Variants in PPARGC1A observed in about 807,000 individuals in gnomAD.
PPARGC1A encodes PPARG coactivator 1 alpha, also known as peroxisome proliferator-activated receptor gamma coactivator 1-alpha.
In PPARGC1A, 25 loss-of-function variants were observed where a neutral mutation model predicts 88.7. The observed-to-expected ratio is 0.28, with a 90% CI of 0.21 to 0.39. The LOEUF is 0.39. Among genes scored for constraint, PPARGC1A ranks in the 10% least tolerant of loss-of-function variants. The pLI, the probability that PPARGC1A is intolerant of heterozygous loss-of-function variation, is 1.00. For missense variants in PPARGC1A, 880 were observed against 968.7 expected (o/e 0.91, Z 1.22); for synonymous variants, 363 against 355.6 (o/e 1.02, Z -0.24).
chr4:24,255,282 T>C, the PPARGC1A span, among the ~76,000 whole-genome samples: 4 of 152,198 alleles, frequency 2.6e-5, no homozygotes, highest in Non-Finnish European at 5.9e-5. Context: ...CTCAAATAGG[T>C]AATGCTGTGA....
At chr4:24,364,363 A>T in the PPARGC1A span, among the ~76,000 whole-genome samples, 1 of 152,210 alleles carries the variant, frequency 6.6e-6, no homozygotes, top group Non-Finnish European at 1.5e-5. Flanking sequence ...CCTTAGCAGA[A>T]ATGAGGTGCA....
chr4:24,062,536 A>AT, the PPARGC1A span, among the ~76,000 whole-genome samples: 1 of 152,174 alleles, frequency 6.6e-6, no homozygotes, highest in African/African-American at 2.4e-5. Context: ...TCACAATTCC[A>AT]TAATTATTCA....
At chr4:23,876,260 A>G (rs1322844985) in intron 2 of PPARGC1A, among the ~76,000 whole-genome samples, 1 of 152,240 alleles carries the variant, frequency 6.6e-6, no homozygotes, top group East Asian at 1.9e-4. Context: ...ATTGGTAATA[A>G]TACAAAAGGC....
chr4:24,372,004 GA>G, the PPARGC1A span, among the ~76,000 whole-genome samples: 3 of 151,928 alleles, frequency 2.0e-5, no homozygotes, highest in Admixed American at 6.6e-5. Context: ...CCTCTCTTCT[GA>G]AACTCCCTAG....
At chr4:24,116,080 A>G in the PPARGC1A span, among the ~76,000 whole-genome samples, 1 of 152,198 alleles carries the variant, frequency 6.6e-6, no homozygotes, top group African/African-American at 2.4e-5. Flanking sequence ...GGTAGAGCAC[A>G]CTTGTGCATT....
At chr4:24,135,609 C>T in the PPARGC1A span, among the ~76,000 whole-genome samples, 2 of 152,252 alleles carry the variant, frequency 1.3e-5, no homozygotes, top group South Asian at 4.1e-4. Context: ...GTTCTCCTCC[C>T]ATCTGCAAAA....
chr4:24,231,583 C>T, the PPARGC1A span, among the ~76,000 whole-genome samples: 6 of 152,168 alleles, frequency 3.9e-5, no homozygotes, highest in African/African-American at 1.4e-4. Flanking sequence ...GGAAGGGCAA[C>T]TCTAATCCTC....
chr4:23,945,304 A>G, the PPARGC1A span, among the ~76,000 whole-genome samples: 3 of 152,182 alleles, frequency 2.0e-5, no homozygotes, highest in Admixed American at 6.5e-5. Flanking sequence ...TATACTTATT[A>G]AAAACATTAA....
At chr4:24,025,069 A>T in the PPARGC1A span, among the ~76,000 whole-genome samples, 1 of 152,220 alleles carries the variant, frequency 6.6e-6, no homozygotes, top group African/African-American at 2.4e-5. Flanking sequence ...ACAAAGTTGC[A>T]ATATAAAATG....
chr4:24,271,912 T>C, the PPARGC1A span, among the ~76,000 whole-genome samples: 1 of 152,170 alleles, frequency 6.6e-6, no homozygotes, highest in Non-Finnish European at 1.5e-5. Flanking sequence ...ATGGTATACA[T>C]ACTTGTTATT....
chr4:24,297,997 G>A, the PPARGC1A span, among the ~76,000 whole-genome samples: 1 of 152,138 alleles, frequency 6.6e-6, no homozygotes, highest in African/African-American at 2.4e-5. Context: ...AGAAAGAACA[G>A]GAACCATAGT....
chr4:24,204,676 G>A, the PPARGC1A span, among the ~76,000 whole-genome samples: 2 of 152,046 alleles, frequency 1.3e-5, no homozygotes, highest in African/African-American at 2.4e-5. Context: ...CTTCCTTTGC[G>A]ACTCAGTAAC....
At chr4:23,954,388 C>T in the PPARGC1A span, among the ~76,000 whole-genome samples, 2 of 151,832 alleles carry the variant, frequency 1.3e-5, no homozygotes, top group Non-Finnish European at 1.5e-5. Flanking sequence ...GCTCTCTGGA[C>T]AATTTTGTTA....
chr4:24,052,215 G>A, the PPARGC1A span, among the ~76,000 whole-genome samples: 4 of 152,154 alleles, frequency 2.6e-5, no homozygotes, highest in African/African-American at 4.8e-5. Context: ...CTATGTAGTA[G>A]GCATTCAGAT....
chr4:23,814,005 T>G lies in PPARGC1A; in HGVS notation c.1478A>C (p.Gln493Pro), dbSNP rs1721450716. ...ELRDSDFSNE[Q>P]FSKLPMFINS... Reference sequence around the variant, plus strand: ...TATAAACATAGGTAGTTTGGAGAATTGTTCATTACTGAAATCACTGTCCCT... The same window carrying G: ...TATAAACATAGGTAGTTTGGAGAATGGTTCATTACTGAAATCACTGTCCCT... The change falls in exon 8 of 13, where the codon CAA becomes CCA. Residue 493 changes from glutamine (Q) to proline (P), a missense_variant. Gln to Pro is a moderately conservative substitution (Grantham distance 76). Coordinates refer to ENST00000264867, the MANE Select transcript of PPARGC1A (RefSeq NM_013261.5). The G allele has an allele frequency of 6.2e-7, 1 of 1,613,964 alleles. No homozygotes were observed.
At chr4:24,177,270 T>C in the PPARGC1A span, among the ~76,000 whole-genome samples, 66 of 152,274 alleles carry the variant, frequency 4.3e-4, 1 homozygote, top group African/African-American at 1.5e-3. Flanking sequence ...ATACACACCA[T>C]GGAATACTAT....
chr4:24,367,584 A>C, the PPARGC1A span, among the ~76,000 whole-genome samples: 2 of 152,206 alleles, frequency 1.3e-5, no homozygotes, highest in African/African-American at 2.4e-5. Flanking sequence ...TAAGTAATTT[A>C]GGAGGAACAG....
the PPARGC1A span, among the ~76,000 whole-genome samples, chr4:24,020,875 T>C: frequency 6.6e-6 from 1 of 152,212 alleles, no homozygotes; most frequent in Non-Finnish European, 1.5e-5. Context: ...TTTCTCTTCA[T>C]TCTGTCAAGA....
the PPARGC1A span, among the ~76,000 whole-genome samples, chr4:24,228,736 CTTTGAGCTAATACTGCCT>C: frequency 1.3e-5 from 2 of 152,198 alleles, no homozygotes; most frequent in African/African-American, 4.8e-5. Context: ...TTGACATGGT[CTTTGAGCTAATACTGCCT>C]AAACATACCC....
Sources: gnomAD v4.1 joint callset for allele counts (sites outside exome capture counted in the v4.1 genomes callset) on GRCh38, gnomAD v4.1.1 for gene constraint, MANE v1.5 for transcripts, NCBI Gene and HGNC (gene_info 2026-07-23, HGNC 2026-07-21) for gene names.